IGF2BP1: variants seen among roughly 807,000 people sequenced by gnomAD.
IGF2BP1 encodes insulin-like growth factor 2 mRNA-binding protein 1.
A neutral mutation model predicts 74.9 loss-of-function variants in IGF2BP1; 11 were observed. That is an observed-to-expected ratio of 0.15 (90% CI 0.09 to 0.24). The LOEUF (loss-of-function observed/expected upper bound fraction) is 0.24, where lower values mean the gene tolerates loss of function less well. Among genes scored for constraint, IGF2BP1 ranks in the 10% least tolerant of loss-of-function variants. The pLI is 1.00. For synonymous variants in IGF2BP1, 287 were observed against 281.8 expected, an observed-to-expected ratio of 1.02 and a Z score of -0.18; for missense variants, 440 against 757.4, an observed-to-expected ratio of 0.58 and a Z score of 4.92.
intron 2 of IGF2BP1, among the ~76,000 whole-genome samples, chr17:49,006,929 T>G (rs1284028182): frequency 1.3e-5 from 2 of 152,142 alleles, no homozygotes; most frequent in African/African-American, 4.8e-5. Context: ...TAATTGTTCT[T>G]TAGGGGAAAC....
chr17:49,015,935 A>C (rs2041695550), intron 2 of IGF2BP1, among the ~76,000 whole-genome samples: 1 of 152,200 alleles, frequency 6.6e-6, no homozygotes. Flanking sequence ...GACATTTTGC[A>C]TGGTAGGGAT....
At chr17:49,028,813 A>G (rs1045399240) in intron 4 of IGF2BP1, among the ~76,000 whole-genome samples, 1 of 151,936 alleles carries the variant, frequency 6.6e-6, no homozygotes, top group Non-Finnish European at 1.5e-5. Context: ...CTGATTTATT[A>G]TTATTATTAT....
At chr17:49,026,574 G>T in intron 4 of IGF2BP1, 57 bp downstream of exon 4, 1 of 1,417,390 alleles carries the variant, frequency 7.1e-7, no homozygotes, top group East Asian at 2.3e-5. Flanking sequence ...GGAGTTTGGT[G>T]CATTTGTTCT....
At chr17:49,009,733 A>T (rs2041593456) in intron 2 of IGF2BP1, among the ~76,000 whole-genome samples, 1 of 151,162 alleles carries the variant, frequency 6.6e-6, no homozygotes, top group Admixed American at 6.6e-5. Context: ...TAATCGTAAA[A>T]TATGCAAAAA....
intron 4 of IGF2BP1, among the ~76,000 whole-genome samples, chr17:49,031,401 C>A (rs1040959960): frequency 6.6e-6 from 1 of 152,014 alleles, no homozygotes; most frequent in Non-Finnish European, 1.5e-5. Context: ...CCATGCTCTG[C>A]CTGGTAAATT....
intron 2 of IGF2BP1, among the ~76,000 whole-genome samples, chr17:49,017,541 G>A (rs1023361186): frequency 2.6e-5 from 4 of 152,038 alleles, no homozygotes; most frequent in Admixed American, 2.6e-4. Flanking sequence ...TAAAGAGATT[G>A]CTTTTTGGAG....
At chr17:48,998,524 C>T (rs1471307205) in intron 1 of IGF2BP1, among the ~76,000 whole-genome samples, 2 of 152,036 alleles carry the variant, frequency 1.3e-5, no homozygotes, top group Admixed American at 6.5e-5. Context: ...GCGGCGGCGC[C>T]GGGTCGCCAT....
At chr17:49,023,008 G>A (rs1262302941) in intron 2 of IGF2BP1, among the ~76,000 whole-genome samples, 2 of 152,238 alleles carry the variant, frequency 1.3e-5, no homozygotes, top group South Asian at 2.1e-4. Flanking sequence ...CTAGGTCTGC[G>A]TTCTCAACCT....
chr17:49,026,624 C>T (rs2041857496), intron 4 of IGF2BP1, 107 bp downstream of exon 4: 1 of 478,466 alleles, frequency 2.1e-6, no homozygotes, highest in Non-Finnish European at 3.4e-6. Flanking sequence ...TTCCTTCCTT[C>T]CTTCCTTCCT....
intron 2 of IGF2BP1, 125 bp downstream of exon 2, chr17:48,999,294 C>T (rs923875337): frequency 4.7e-6 from 3 of 640,732 alleles, no homozygotes; most frequent in South Asian, 1.9e-5. Flanking sequence ...CCCCCAACTC[C>T]GGATGTTGGG....
intron 6 of IGF2BP1, among the ~76,000 whole-genome samples, chr17:49,039,113 T>A (rs536603105): frequency 8.5e-5 from 13 of 152,160 alleles, no homozygotes; most frequent in Non-Finnish European, 1.5e-4. Context: ...CCTGACCTCG[T>A]GATCCGGCCG....
chr17:49,015,179 G>C (rs1033220020), intron 2 of IGF2BP1, among the ~76,000 whole-genome samples: 28 of 152,128 alleles, frequency 1.8e-4, no homozygotes, highest in African/African-American at 6.5e-4. Context: ...CACCATGTTG[G>C]CCAGGCTGGT....
chr17:49,013,958 T>A (rs964986980), intron 2 of IGF2BP1: 5 of 152,124 alleles, frequency 3.3e-5, no homozygotes, highest in African/African-American at 1.2e-4. Flanking sequence ...GGCTGCTCTG[T>A]CCCCTTCCTT....
chr17:49,035,900 G>A lies in IGF2BP1; in HGVS notation c.402-2268G>A, dbSNP rs375477811. Among the ~76,000 whole-genome samples, 198 of 152,332 alleles carry A rather than the reference G, an allele frequency of 1.3e-3. 1 individual carries two copies. The highest frequency in any genetic ancestry group is 4.6e-3 in the African/African-American group (192 of 41,588). Reference sequence around the variant, plus strand: ...AACTGGCTGGAAGGCAACCCCGGGGGCCGGACCTCCTTGTGGGAGGGCCCG... The same window carrying A: ...AACTGGCTGGAAGGCAACCCCGGGGACCGGACCTCCTTGTGGGAGGGCCCG... On this transcript the variant is annotated intron_variant, in intron 5 of 14. Coordinates refer to ENST00000290341, the MANE Select transcript of IGF2BP1 (RefSeq NM_006546.4).
chr17:49,043,351 G>A lies in IGF2BP1; in HGVS notation c.1078-77G>A, dbSNP rs200870605. 196 of 1,550,350 alleles carry A rather than the reference G, an allele frequency of 1.3e-4. No homozygotes were observed. The African/African-American group carries it at 2.2e-3, about 17-fold the overall frequency. On this transcript the variant is annotated intron_variant, in intron 9 of 14. Coordinates refer to ENST00000290341, the MANE Select transcript of IGF2BP1 (RefSeq NM_006546.4). The stretch of plus-strand genomic sequence containing the variant: ...GGCCCACTTGCCTCTGGGGCTACTC[G>A]CCTTTTATACAGCGGGGGTCACACA...
intron 2 of IGF2BP1, chr17:49,012,921 C>T (rs946423178): frequency 2.0e-5 from 3 of 152,106 alleles, no homozygotes; most frequent in African/African-American, 7.3e-5. Flanking sequence ...TCTAAAATAT[C>T]AGGAACCCAG....
chr17:48,997,599 G>A lies in IGF2BP1; in HGVS notation c.-147G>A. 5 of 839,554 alleles carry A rather than the reference G, an allele frequency of 6.0e-6. No homozygotes were observed. The South Asian group carries it at 7.1e-5, about 12-fold the overall frequency. 52.0% of individuals were successfully genotyped at this position (839,554 alleles called of 1,614,324 possible). On this transcript the variant is annotated 5_prime_UTR_variant, in exon 1 of 15. Transcript: ENST00000290341. This position sits in a 1 kb window ranked among gnomAD's most constrained non-coding sequence, Gnocchi z 4.8. ...GCCCTCAGGCCGCCTTCCCCGCCCT[G>A]GGCTCGGGACAACTTCTGGGGTGGG...
chr17:49,026,498 A>G lies in IGF2BP1; in HGVS notation c.318A>G (p.Thr106=), dbSNP rs141422475. The part of the protein sequence containing the change: ...VLDSLLAQYG[T]VENCEQVNTE... ...ACAGCCTGCTGGCTCAGTATGGTACAGTAGAGAACTGTGAGCAAGGTAAGA... is the reference window on the plus strand; with the variant it reads ...ACAGCCTGCTGGCTCAGTATGGTACGGTAGAGAACTGTGAGCAAGGTAAGA... Residue 106 remains threonine (T), a synonymous_variant, in exon 4 of 15, where the codon ACA becomes ACG. Transcript: ENST00000290341. The G allele has an allele frequency of 6.1e-3, 9,888 of 1,614,060 alleles. 56 individuals are homozygous for G. Among genetic ancestry groups the G allele is most frequent in the Non-Finnish European group, 7.8e-3 (9,178 of 1,179,934 alleles).
rs1015674630 is a variant in IGF2BP1, at chr17:49,055,214, T to G, written c.*5770T>G. On this transcript the variant is annotated 3_prime_UTR_variant, in exon 15 of 15. Coordinates refer to ENST00000290341, the MANE Select transcript of IGF2BP1 (RefSeq NM_006546.4). Reference sequence around the variant, plus strand: ...ATTTTCCAGTGACCACTGGATTGTTTTAATTTCCCAAGCTTTTTTTTCCCC... The same window carrying G: ...ATTTTCCAGTGACCACTGGATTGTTGTAATTTCCCAAGCTTTTTTTTCCCC... 1 of 156,900 alleles carries G rather than the reference T, an allele frequency of 6.4e-6. No individual in the cohort carries two copies. Among genetic ancestry groups the G allele is most frequent in the Non-Finnish European group, 1.4e-5 (1 of 71,234 alleles). 9.7% of individuals were successfully genotyped at this position (156,900 alleles called of 1,614,324 possible).
Sources: allele counts gnomAD v4.1 joint callset (sites outside exome capture counted in the v4.1 genomes callset), GRCh38; gene constraint gnomAD v4.1.1; non-coding constraint Gnocchi (gnomAD v3.1); transcripts MANE v1.5; gene names NCBI Gene and HGNC (gene_info 2026-07-23, HGNC 2026-07-21).